SDF2: variants seen among roughly 807,000 people sequenced by gnomAD.
SDF2 encodes the protein stromal cell derived factor 2.
SDF2 carries 12 observed loss-of-function variants against 20.5 expected under a neutral mutation model. The observed-to-expected ratio is 0.58, with a 90% CI of 0.37 to 0.95. The LOEUF is 0.95. Among genes scored for constraint, SDF2 ranks in the 40% least tolerant of loss-of-function variants. The pLI, the probability that SDF2 is intolerant of heterozygous loss-of-function variation, is 0.01. For synonymous variants in SDF2, 100 were observed against 101.0 expected, an observed-to-expected ratio of 0.99 and a Z score of 0.06; for missense variants, 238 against 263.1, an observed-to-expected ratio of 0.90 and a Z score of 0.66.
chr17:28,656,566 TG>T (rs1345725745), intron 1 of SDF2, among the ~76,000 whole-genome samples: 1 of 152,066 alleles, frequency 6.6e-6, no homozygotes, highest in Non-Finnish European at 1.5e-5. Context: ...CCAGCCTGGA[TG>T]ACAGAGCCAG....
chr17:28,661,586 C>T (rs953625048), intron 1 of SDF2, 140 bp downstream of exon 1: 2 of 849,834 alleles, frequency 2.4e-6, no homozygotes, highest in Admixed American at 5.1e-5. Flanking sequence ...CAATTCAGTT[C>T]TCCGACTCTC....
chr17:28,648,958 G>C lies in SDF2; in HGVS notation c.*31C>G, dbSNP rs375024020. 6.2e-7 allele frequency: 1 copy of C among 1,605,914 alleles called. No individual in the cohort carries two copies. The highest frequency in any genetic ancestry group is 1.7e-5 in the Admixed American group (1 of 59,808). On this transcript the variant is annotated 3_prime_UTR_variant, in exon 3 of 3. Transcript: ENST00000247020. Reference sequence around the variant, plus strand: ...GCAGCAACAGATGTCTGTGAACATTGTGCGTTAACAGTGGCTCAGAGCCTC... The same window carrying C: ...GCAGCAACAGATGTCTGTGAACATTCTGCGTTAACAGTGGCTCAGAGCCTC...
At chr17:28,655,762 G>A in intron 1 of SDF2, 1 of 489,654 alleles carries the variant, frequency 2.0e-6, no homozygotes, top group South Asian at 2.9e-5. Flanking sequence ...AATGTGAAGA[G>A]CCTATGTATG....
Position 28,653,110 on chromosome 17 carries a change from A to T in SDF2, c.348+2177T>A, listed in dbSNP as rs1597669272. ...TATAACTCTCCAGTCTGTAAGAGTG[A>T]AATGCACATAGTGACTTTCTTCCAA... On this transcript the variant is annotated intron_variant, in intron 2 of 2. Transcript: ENST00000247020. 2.6e-5 allele frequency among the ~76,000 whole-genome samples: 4 copies of T among 152,228 alleles called. No individual in the cohort carries two copies. In the East Asian group the frequency reaches 7.7e-4, roughly 29 times the overall value.
intron 1 of SDF2, chr17:28,655,696 C>T: frequency 1.7e-6 from 1 of 598,894 alleles, no homozygotes; most frequent in Non-Finnish European, 3.0e-6. Flanking sequence ...GTGGAACCTG[C>T]AAAGCTGCCA....
chr17:28,660,518 C>A (rs1423400643), intron 1 of SDF2: 2 of 152,328 alleles, frequency 1.3e-5, no homozygotes, highest in East Asian at 3.8e-4. Context: ...ATCTGGCTGT[C>A]CATCAGAACC....
At chr17:28,661,941 T>C (rs1222488178), upstream of SDF2, 1 of 1,554,998 alleles carries the variant, frequency 6.4e-7, no homozygotes, top group African/African-American at 1.4e-5. Context: ...AACCGGAAGC[T>C]AATGGCGAAA....
chr17:28,648,911 G>T lies in SDF2; in HGVS notation c.*78C>A. On this transcript the variant is annotated 3_prime_UTR_variant, in exon 3 of 3. Coordinates refer to ENST00000247020, the MANE Select transcript of SDF2 (RefSeq NM_006923.4). ...GACATGGCCACTGCCCAAGGAACTT[G>T]TGGCAGGGATCCCAAGGTGAGGCAG... 6.9e-7 allele frequency: 1 copy of T among 1,444,606 alleles called. No homozygotes were observed. The highest frequency in any genetic ancestry group is 1.2e-5 in the South Asian group (1 of 81,700). 89.5% of individuals were successfully genotyped at this position (1,444,606 alleles called of 1,614,324 possible).
upstream of SDF2, chr17:28,662,043 T>TA (rs1019399427): frequency 7.0e-6 from 5 of 715,968 alleles, no homozygotes; most frequent in African/African-American, 1.8e-5. Context: ...CCTGGTTACT[T>TA]ACGATACTCT....
At chr17:28,661,962 A>G (rs958232292), upstream of SDF2, 7 of 1,474,592 alleles carry the variant, frequency 4.7e-6, no homozygotes, top group Non-Finnish European at 5.6e-6. Flanking sequence ...CCACGGAGAG[A>G]AGGAAGTGAA....
At chr17:28,657,618 G>C (rs139640039) in intron 1 of SDF2, 1 of 151,740 alleles carries the variant, frequency 6.6e-6, no homozygotes, top group South Asian at 2.1e-4. Flanking sequence ...GGCTACTCTC[G>C]AATTCCTGGG....
rs182968002 is a variant in SDF2, at chr17:28,657,599, T to C, written c.152-2116A>G. Among the ~76,000 whole-genome samples, 49 of 152,108 alleles carry C rather than the reference T, an allele frequency of 3.2e-4. 2 individuals are homozygous for C. The East Asian group carries it at 8.7e-3, about 27-fold the overall frequency. On this transcript the variant is annotated intron_variant, in intron 1 of 2. Coordinates refer to ENST00000247020, the MANE Select transcript of SDF2 (RefSeq NM_006923.4). ...TTTTTGTAGAGATGGGTTTTTGCCA[T>C]GTTGCCCAGGCTACTCTCGAATTCC...
intron 2 of SDF2, among the ~76,000 whole-genome samples, chr17:28,654,984 G>T (rs955326571): frequency 2.0e-5 from 3 of 151,988 alleles, no homozygotes; most frequent in Non-Finnish European, 4.4e-5. Context: ...ACAAAAATTA[G>T]CCAGGCATGG....
At chr17:28,650,719 GAGGTTGCCGTGAGCCGA>G (rs1597668200) in intron 2 of SDF2, among the ~76,000 whole-genome samples, 1 of 149,040 alleles carries the variant, frequency 6.7e-6, no homozygotes, top group South Asian at 2.1e-4. Context: ...CTGGGAGGCG[GAGGTTGCCGTGAGCCGA>G]AGGTTGCAGT....
At chr17:28,661,621 A>G in intron 1 of SDF2, 105 bp downstream of exon 1, 2 of 1,264,710 alleles carry the variant, frequency 1.6e-6, no homozygotes, top group Non-Finnish European at 2.2e-6. Context: ...CTTCCCAGGG[A>G]ACCCCTAACT....
chr17:28,651,273 AG>A (rs1274502375), intron 2 of SDF2, among the ~76,000 whole-genome samples: 1 of 152,212 alleles, frequency 6.6e-6, no homozygotes, highest in East Asian at 1.9e-4. Flanking sequence ...CATGTTGACC[AG>A]GCTGGTCTCA....
chr17:28,657,724 A>T (rs2071977579), intron 1 of SDF2: 1 of 151,844 alleles, frequency 6.6e-6, no homozygotes, highest in South Asian at 2.1e-4. Flanking sequence ...TATTTAAAAG[A>T]AAAAAAAGAA....
At chr17:28,661,650 A>G in intron 1 of SDF2, 76 bp downstream of exon 1, 1 of 1,499,058 alleles carries the variant, frequency 6.7e-7, no homozygotes, top group Non-Finnish European at 9.1e-7. Context: ...CCACACTGTC[A>G]GATATTCTAT....
chr17:28,660,059 C>T (rs1286687420), intron 1 of SDF2, among the ~76,000 whole-genome samples: 3 of 152,182 alleles, frequency 2.0e-5, no homozygotes, highest in East Asian at 1.9e-4. Context: ...GCCAACACGG[C>T]GAAACCCCGT....
Sources: allele counts gnomAD v4.1 joint callset (sites outside exome capture counted in the v4.1 genomes callset), GRCh38; gene constraint gnomAD v4.1.1; transcripts MANE v1.5; gene names NCBI Gene and HGNC (gene_info 2026-07-23, HGNC 2026-07-21).